PARD3B: variants seen among roughly 807,000 people sequenced by gnomAD.
The protein encoded by PARD3B is par-3 family cell polarity regulator beta.
In PARD3B, 103 loss-of-function variants were observed where a neutral mutation model predicts 130.2. The ratio of observed to expected loss-of-function variants is 0.79; its 90% CI spans 0.67 to 0.93. The LOEUF is 0.93. PARD3B is among the 40% of genes least tolerant of loss of function. The pLI is 0.00. For missense variants in PARD3B, 1,609 were observed against 1,499.2 expected (o/e 1.07, Z -1.21); for synonymous variants, 583 against 553.2 (o/e 1.05, Z -0.76).
chr2:204,989,985 T>A (rs1028559487), intron 3 of PARD3B, among the ~76,000 whole-genome samples: 3 of 152,130 alleles, frequency 2.0e-5, no homozygotes, highest in Admixed American at 2.0e-4. Context: ...TTTTGAAATA[T>A]ATTAGATAAT....
intron 15 of PARD3B, among the ~76,000 whole-genome samples, chr2:205,197,026 GGGGGGGGTGTGTGT>G (rs1248177854): frequency 1.3e-4 from 7 of 52,898 alleles, no homozygotes; most frequent in African/African-American, 3.9e-4. Context: ...TCCACTGTGG[GGGGGGGGTGTGTGT>G]GTGTGTGTGT....
chr2:205,261,139 A>G (rs958708368), intron 16 of PARD3B, among the ~76,000 whole-genome samples: 1 of 152,120 alleles, frequency 6.6e-6, no homozygotes, highest in Non-Finnish European at 1.5e-5. Flanking sequence ...TTTTTAATCT[A>G]TCCAAGATCT....
chr2:204,751,684 TGGTAGA>T (rs1163309790), intron 2 of PARD3B, among the ~76,000 whole-genome samples: 2 of 152,188 alleles, frequency 1.3e-5, no homozygotes, highest in Non-Finnish European at 2.9e-5. Context: ...ATTTTTTAAT[TGGTAGA>T]TGATGAGTTG....
Position 205,170,748 on chromosome 2 carries a change from A to G in PARD3B, c.1621-1463A>G, listed in dbSNP as rs929554018. Among the ~76,000 whole-genome samples the G allele has an allele frequency of 6.4e-5, 9 of 141,720 alleles. No individual in the cohort carries two copies. In the East Asian group the frequency reaches 1.8e-3, roughly 29 times the overall value. 93.0% of individuals were successfully genotyped at this position (141,720 alleles called of 152,430 possible). A position where few individuals can be genotyped will look rare whatever the true frequency, so the allele number is the denominator to read the frequency against. On this transcript the variant is annotated intron_variant, in intron 11 of 22. Transcript: ENST00000406610. Reference sequence around the variant, plus strand: ...TCCCAAAGCTGTCTGGTTGGTTTCTATTGTTCATTGTGTGTGTCTGGCTAT... The same window carrying G: ...TCCCAAAGCTGTCTGGTTGGTTTCTGTTGTTCATTGTGTGTGTCTGGCTAT...
intron 21 of PARD3B, among the ~76,000 whole-genome samples, chr2:205,526,202 A>G (rs2051328811): frequency 6.6e-6 from 1 of 152,096 alleles, no homozygotes; most frequent in African/African-American, 2.4e-5. Context: ...CCATCTTTTT[A>G]TCCCTGTCCC....
At chr2:204,787,634 A>T (rs994218686) in intron 2 of PARD3B, among the ~76,000 whole-genome samples, 17 of 152,156 alleles carry the variant, frequency 1.1e-4, no homozygotes, top group African/African-American at 3.9e-4. Flanking sequence ...TAGTGTAGCC[A>T]ATTCATGTTC....
chr2:205,058,807 A>C (rs530368440), intron 4 of PARD3B, among the ~76,000 whole-genome samples: 3 of 151,922 alleles, frequency 2.0e-5, no homozygotes, highest in African/African-American at 7.2e-5. Flanking sequence ...TTTGTTGCTG[A>C]GTTCTAGGAG....
intron 2 of PARD3B, among the ~76,000 whole-genome samples, chr2:204,802,651 C>G (rs2042613454): frequency 6.6e-6 from 1 of 152,120 alleles, no homozygotes; most frequent in African/African-American, 2.4e-5. Context: ...CCATAGACTA[C>G]TATGCAGCTG....
chr2:205,482,917 A>G (rs1269956980), intron 20 of PARD3B, among the ~76,000 whole-genome samples: 1 of 151,858 alleles, frequency 6.6e-6, no homozygotes, highest in African/African-American at 2.4e-5. Flanking sequence ...AGCTCCCTCC[A>G]CCCCTTTCTT....
chr2:205,343,454 C>CT (rs2043620891), intron 18 of PARD3B, among the ~76,000 whole-genome samples: 1 of 152,192 alleles, frequency 6.6e-6, no homozygotes, highest in African/African-American at 2.4e-5. Flanking sequence ...ACATGCTTTG[C>CT]TATCATTGCT....
chr2:204,927,621 A>G (rs927857557), intron 2 of PARD3B, among the ~76,000 whole-genome samples: 1 of 152,016 alleles, frequency 6.6e-6, no homozygotes, highest in Non-Finnish European at 1.5e-5. Context: ...CGTTAAACTC[A>G]TGTAGTAATG....
At chr2:205,223,213 G>T (rs1353949359) in intron 15 of PARD3B, among the ~76,000 whole-genome samples, 1 of 152,078 alleles carries the variant, frequency 6.6e-6, no homozygotes, top group Non-Finnish European at 1.5e-5. Context: ...ATAATATAAT[G>T]GAAAAGGTAA....
chr2:204,975,473 T>A (rs1692065211), intron 3 of PARD3B, among the ~76,000 whole-genome samples: 1 of 152,208 alleles, frequency 6.6e-6, no homozygotes. Context: ...TCCAGTCAGA[T>A]GTACTCTTTT....
At position 205,558,145 on chromosome 2, in the gene PARD3B, G is replaced by A. The variant is rs2052975110; in HGVS notation, c.3260+4742G>A. On this transcript the variant is annotated intron_variant, in intron 22 of 22. Transcript: ENST00000406610. This position sits in a 1 kb window ranked among gnomAD's most constrained non-coding sequence, Gnocchi z 4.8. ...TGATAGTAGACAGCAGTGCTATGGA[G>A]AGGGGGTTTATAACAGATACAGCAT... is the stretch of plus-strand genomic sequence containing the variant. Among the ~76,000 whole-genome samples the A allele has an allele frequency of 6.6e-6, 1 of 152,204 alleles. No homozygotes were observed. The highest frequency in any genetic ancestry group is 6.5e-5 in the Admixed American group (1 of 15,288).
At chr2:205,514,189 T>C (rs1271609319) in intron 21 of PARD3B, among the ~76,000 whole-genome samples, 1 of 152,150 alleles carries the variant, frequency 6.6e-6, no homozygotes, top group Non-Finnish European at 1.5e-5. Flanking sequence ...CACAACTTAT[T>C]AGATGATAAT....
intron 2 of PARD3B, among the ~76,000 whole-genome samples, chr2:204,883,431 TA>T (rs1199171558): frequency 8.1e-5 from 9 of 111,050 alleles, no homozygotes; most frequent in Non-Finnish European, 1.6e-4. Flanking sequence ...TATATATATA[TA>T]AAATATATAT....
chr2:205,472,624 AT>A (rs1461336192), intron 20 of PARD3B, among the ~76,000 whole-genome samples: 1 of 152,184 alleles, frequency 6.6e-6, no homozygotes, highest in East Asian at 1.9e-4. Context: ...ATACTTCTTT[AT>A]TCTTAAAACT....
intron 21 of PARD3B, among the ~76,000 whole-genome samples, chr2:205,516,422 T>C (rs2106383879): frequency 6.6e-6 from 1 of 151,622 alleles, no homozygotes; most frequent in South Asian, 2.1e-4. Context: ...GTTTGTGTCA[T>C]CTCTGATTCC....
intron 2 of PARD3B, among the ~76,000 whole-genome samples, chr2:204,938,962 A>C (rs1688676621): frequency 1.3e-5 from 2 of 152,204 alleles, no homozygotes; most frequent in African/African-American, 4.8e-5. Context: ...ACCCAGAAAA[A>C]TACAAAACAT....
Sources: allele counts gnomAD v4.1 joint callset (sites outside exome capture counted in the v4.1 genomes callset), GRCh38; gene constraint gnomAD v4.1.1; non-coding constraint Gnocchi (gnomAD v3.1); transcripts MANE v1.5; gene names NCBI Gene and HGNC (gene_info 2026-07-23, HGNC 2026-07-21).